NSMCE2: variants seen among roughly 807,000 people sequenced by gnomAD.
NSMCE2 encodes the protein NSE2 SUMO ligase component of SMC5/6 complex.
A neutral mutation model predicts 23.8 loss-of-function variants in NSMCE2; 24 were observed. That is an observed-to-expected ratio of 1.01 (90% CI 0.73 to 1.42). The LOEUF is 1.42. Ranked by LOEUF, NSMCE2 falls within the 40% of genes most tolerant of loss-of-function variation. NSMCE2 has a pLI of 0.00. For missense variants in NSMCE2, 284 were observed against 296.5 expected (o/e 0.96, Z 0.31); for synonymous variants, 92 against 94.1 (o/e 0.98, Z 0.13).
intron 5 of NSMCE2, among the ~76,000 whole-genome samples, chr8:125,306,135 C>T (rs1252734604): frequency 1.3e-5 from 2 of 151,908 alleles, no homozygotes; most frequent in African/African-American, 4.8e-5. Context: ...CAAGACCAGC[C>T]TGGGCAATAT....
chr8:125,349,210 C>T (rs1812924233), intron 5 of NSMCE2, among the ~76,000 whole-genome samples: 1 of 152,106 alleles, frequency 6.6e-6, no homozygotes, highest in South Asian at 2.1e-4. Context: ...CAGGAATTGG[C>T]ACAGATACAT....
intron 5 of NSMCE2, among the ~76,000 whole-genome samples, chr8:125,189,984 AT>A (rs891928117): frequency 1.2e-4 from 18 of 152,062 alleles, no homozygotes; most frequent in African/African-American, 4.3e-4. Flanking sequence ...GCAGGTCTTC[AT>A]TTTTTCCTTA....
intron 5 of NSMCE2, among the ~76,000 whole-genome samples, chr8:125,243,303 A>G (rs1266536381): frequency 6.6e-6 from 1 of 152,172 alleles, no homozygotes; most frequent in Non-Finnish European, 1.5e-5. Flanking sequence ...TCTCTGAAGA[A>G]GTAGTGCTAT....
chr8:125,132,621 G>C (rs1819831131), intron 3 of NSMCE2, among the ~76,000 whole-genome samples: 1 of 151,906 alleles, frequency 6.6e-6, no homozygotes, highest in Non-Finnish European at 1.5e-5. Flanking sequence ...AGCCTCCCAA[G>C]TAGCTGGGAC....
At chr8:125,265,563 T>A (rs1586691424) in intron 5 of NSMCE2, among the ~76,000 whole-genome samples, 1 of 152,332 alleles carries the variant, frequency 6.6e-6, no homozygotes, top group Non-Finnish European at 1.5e-5. Context: ...GTTAAAATGC[T>A]GCTATCTTTA....
intron 5 of NSMCE2, among the ~76,000 whole-genome samples, chr8:125,251,688 G>A (rs1341704737): frequency 6.6e-6 from 1 of 152,198 alleles, no homozygotes; most frequent in African/African-American, 2.4e-5. Context: ...CAATGGAATA[G>A]TTATTTTCAT....
intron 5 of NSMCE2, among the ~76,000 whole-genome samples, chr8:125,287,961 T>C (rs530316599): frequency 2.2e-3 from 333 of 151,942 alleles, no homozygotes; most frequent in African/African-American, 7.6e-3. Context: ...CTAACTCCTG[T>C]ATCTACACCT....
intron 5 of NSMCE2, among the ~76,000 whole-genome samples, chr8:125,311,022 C>T (rs922015202): frequency 2.6e-5 from 4 of 152,078 alleles, no homozygotes; most frequent in African/African-American, 9.7e-5. Context: ...CAACTGAAAC[C>T]GAATTGATTT....
intron 3 of NSMCE2, among the ~76,000 whole-genome samples, chr8:125,117,333 C>T (rs1179354988): frequency 6.6e-6 from 1 of 152,004 alleles, no homozygotes; most frequent in Non-Finnish European, 1.5e-5. Flanking sequence ...GCAATTCTCA[C>T]GCCTCAGCCT....
chr8:125,318,176 A>C (rs1441635563), intron 5 of NSMCE2, among the ~76,000 whole-genome samples: 1 of 152,228 alleles, frequency 6.6e-6, no homozygotes, highest in East Asian at 1.9e-4. Context: ...CAGGAGCCTG[A>C]GGCAGGTGCA....
At chr8:125,232,769 G>GT (rs1313585073) in intron 5 of NSMCE2, among the ~76,000 whole-genome samples, 1 of 151,560 alleles carries the variant, frequency 6.6e-6, no homozygotes, top group Non-Finnish European at 1.5e-5. Flanking sequence ...TCTTCTTCTT[G>GT]TTTTTTTAAC....
At chr8:125,189,013 A>G (rs77265311) in intron 5 of NSMCE2, among the ~76,000 whole-genome samples, 1,945 of 152,332 alleles carry the variant, frequency 0.013, 37 homozygotes, top group African/African-American at 0.045. Context: ...CTAGAAACAT[A>G]TTGAGTGCAT....
At chr8:125,230,227 C>T (rs914689148) in intron 5 of NSMCE2, among the ~76,000 whole-genome samples, 8 of 152,192 alleles carry the variant, frequency 5.3e-5, no homozygotes, top group Non-Finnish European at 1.0e-4. Flanking sequence ...ACAAAAGGCT[C>T]ATGCTTTTCA....
rs60308659 is a variant in NSMCE2, at chr8:125,256,922, C to CAAAAAAAA, written c.418+74696_418+74703dup. Among the ~76,000 whole-genome samples the CAAAAAAAA allele has an allele frequency of 1.3e-3, 34 of 26,066 alleles. 6 individuals are homozygous for CAAAAAAAA. Among genetic ancestry groups the CAAAAAAAA allele is most frequent in the East Asian group, 2.8e-3 (2 of 716 alleles). The allele number at this position is 26,066 out of a possible 152,430, so 17.1% of individuals were successfully genotyped here. The stretch of plus-strand genomic sequence containing the variant: ...TGGGCGACAAAGCAAGACTCTGTGT[C>CAAAAAAAA]AAAAAAAAAAAAAAAAAAAAAAAAA... On this transcript the variant is annotated intron_variant, in intron 5 of 7. Transcript: ENST00000287437.
intron 5 of NSMCE2, among the ~76,000 whole-genome samples, chr8:125,237,832 G>A (rs927199067): frequency 2.6e-5 from 4 of 152,130 alleles, no homozygotes; most frequent in Non-Finnish European, 5.9e-5. Flanking sequence ...CATCTGCATC[G>A]TTTTGTGCCA....
chr8:125,182,898 A>G (rs551528974), intron 5 of NSMCE2: 5 of 152,262 alleles, frequency 3.3e-5, no homozygotes, highest in Admixed American at 2.6e-4. Flanking sequence ...GAAATAATAT[A>G]TCATTTCTGC....
At chr8:125,272,304 G>A (rs376721370) in intron 5 of NSMCE2, among the ~76,000 whole-genome samples, 9 of 151,584 alleles carry the variant, frequency 5.9e-5, no homozygotes, top group African/African-American at 2.2e-4. Flanking sequence ...TTGAGCCACC[G>A]CGCCCGGCAA....
chr8:125,127,623 T>A (rs924651989), intron 3 of NSMCE2, among the ~76,000 whole-genome samples: 20 of 152,212 alleles, frequency 1.3e-4, no homozygotes, highest in African/African-American at 4.8e-4. Context: ...AGTTCTTGGG[T>A]CGTTCTGGAG....
intron 5 of NSMCE2, among the ~76,000 whole-genome samples, chr8:125,241,239 C>T (rs952435799): frequency 6.6e-6 from 1 of 152,132 alleles, no homozygotes; most frequent in Non-Finnish European, 1.5e-5. Flanking sequence ...TACATTTATT[C>T]ATCAGATACT....
Sources: gnomAD v4.1 joint callset for allele counts (sites outside exome capture counted in the v4.1 genomes callset) on GRCh38, gnomAD v4.1.1 for gene constraint, MANE v1.5 for transcripts, NCBI Gene and HGNC (gene_info 2026-07-23, HGNC 2026-07-21) for gene names.